Variants in MAP3K21 observed in about 807,000 individuals in gnomAD.
MAP3K21 encodes mitogen-activated protein kinase kinase kinase 21.
Under a neutral mutation model 86.1 loss-of-function variants are expected in MAP3K21, and 63 were observed. The ratio of observed to expected loss-of-function variants is 0.73; its 90% confidence interval spans 0.60 to 0.90. MAP3K21 has a LOEUF of 0.90. MAP3K21 is among the 40% of genes least tolerant of loss of function. The pLI, the probability that MAP3K21 is intolerant of heterozygous loss-of-function variation, is 0.00. For missense variants in MAP3K21, 1,220 were observed against 1,367.7 expected (o/e 0.89, Z 1.70); for synonymous variants, 558 against 564.8 (o/e 0.99, Z 0.17).
chr1:233,379,532 C>T lies in MAP3K21; in HGVS notation c.2526C>T (p.Ala842=). 2 of 1,614,204 alleles carry T rather than the reference C, an allele frequency of 1.2e-6. No homozygotes were observed. Among genetic ancestry groups the T allele is most frequent in the Non-Finnish European group, 1.7e-6 (2 of 1,180,044 alleles). ...TCACTCCGGATTTTTGTCCCACTGC[C>T]CCAGGAAGTGGTCGTGAGCCAGCCC... ...EMLTPDFCPT[A]PGSGREPALM... is the part of the protein sequence containing the mutation. The change falls in exon 9 of 10, where the codon GCC becomes GCT. Residue 842 remains alanine, a synonymous_variant. Transcript: ENST00000366624.
At chr1:233,343,643 G>A (rs1663079019) in intron 1 of MAP3K21, among the ~76,000 whole-genome samples, 1 of 152,204 alleles carries the variant, frequency 6.6e-6, no homozygotes, top group Non-Finnish European at 1.5e-5. Flanking sequence ...GTACATAGTG[G>A]TTAGGACCAT....
Position 233,328,685 on chromosome 1 carries a change from G to A in MAP3K21, c.657G>A (p.Pro219=), listed in dbSNP as rs1357449034. 3.7e-6 allele frequency: 5 copies of A among 1,355,520 alleles called. No homozygotes were observed. The highest frequency in any genetic ancestry group is 3.4e-5 in the Admixed American group (1 of 29,090). 84.0% of individuals were successfully genotyped at this position (1,355,520 alleles called of 1,614,324 possible). Residue 219 remains proline, a synonymous_variant, in exon 1 of 10, where the codon CCG becomes CCA. Coordinates refer to ENST00000366624, the MANE Select transcript of MAP3K21 (RefSeq NM_032435.3). The surrounding 1 kb of genome is among the most constrained non-coding windows in gnomAD (Gnocchi z 8.7). Reference sequence around the variant, plus strand: ...CGCTGGCCGCTGCCAACGCCGCCCCGGACCCGCGCGCGCCCGGCCCCCGCC... The same window carrying A: ...CGCTGGCCGCTGCCAACGCCGCCCCAGACCCGCGCGCGCCCGGCCCCCGCC... ...NRALAAANAA[P]DPRAPGPRRA... is the part of the protein sequence containing the mutation.
In MAP3K21 at chr1:233,382,687, A is replaced by G; in HGVS notation, c.3087A>G (p.Glu1029=). Residue 1029 remains glutamate (E), a synonymous_variant, in exon 10 of 10, where the codon GAA becomes GAG. Transcript: ENST00000366624. Reference sequence around the variant, plus strand: ...AAACCAGCCGGCCATCTATATATGAACTGGAGAAAGAATTCCTGTCTTAAA... The same window carrying G: ...AAACCAGCCGGCCATCTATATATGAGCTGGAGAAAGAATTCCTGTCTTAAA... ...RSKTSRPSIY[E]LEKEFLS is the part of the protein sequence containing the mutation. 1 of 1,612,980 alleles carries G rather than the reference A, an allele frequency of 6.2e-7. No homozygotes were observed. Among genetic ancestry groups the G allele is most frequent in the Non-Finnish European group, 8.5e-7 (1 of 1,179,314 alleles).
chr1:233,357,050 C>A (rs1663372676), intron 4 of MAP3K21, among the ~76,000 whole-genome samples: 2 of 152,230 alleles, frequency 1.3e-5, no homozygotes, highest in South Asian at 4.1e-4. Flanking sequence ...GCAGGTGGAT[C>A]ACCTGAGGTC....
At chr1:233,363,744 C>T (rs534402259) in intron 5 of MAP3K21, among the ~76,000 whole-genome samples, 110 of 147,912 alleles carry the variant, frequency 7.4e-4, no homozygotes, top group Non-Finnish European at 1.3e-3. Flanking sequence ...TGGTGGCTCA[C>T]GCCTGTAATC....
intron 1 of MAP3K21, among the ~76,000 whole-genome samples, chr1:233,344,087 T>C (rs1426241980): frequency 6.6e-6 from 1 of 151,976 alleles, no homozygotes; most frequent in Non-Finnish European, 1.5e-5. Context: ...GGTAGGAGGG[T>C]GCAGGTGAGG....
rs377739533 is a variant in MAP3K21 at position 233,355,052 on chromosome 1, T to C, written c.1311+41T>C. 4.2e-6 allele frequency: 6 copies of C among 1,440,960 alleles called. No individual in the cohort carries two copies. In the African/African-American group the frequency reaches 8.6e-5, roughly 21 times the overall value. 89.3% of individuals were successfully genotyped at this position (1,440,960 alleles called of 1,614,324 possible). ...AAACAGCATAATGTACTCAAATTTATGAAAACTATGGAAAATATGAGGCAA... is the reference window on the plus strand; with the variant it reads ...AAACAGCATAATGTACTCAAATTTACGAAAACTATGGAAAATATGAGGCAA... On this transcript the variant is annotated intron_variant, in intron 4 of 9. Coordinates refer to ENST00000366624, the MANE Select transcript of MAP3K21 (RefSeq NM_032435.3).
rs1240466837 is a variant in MAP3K21, at chr1:233,379,319, C to T, written c.2313C>T (p.Arg771=). 1.2e-6 allele frequency: 2 copies of T among 1,614,198 alleles called. No homozygotes were observed. Among genetic ancestry groups the T allele is most frequent in the South Asian group, 2.2e-5 (2 of 91,088 alleles). Residue 771 remains arginine (R), a synonymous_variant, in exon 9 of 10, where the codon CGC becomes CGT. Coordinates refer to ENST00000366624, the MANE Select transcript of MAP3K21 (RefSeq NM_032435.3). ...TCTTCCAGCGGGCTTCCAAGTCCCG[C>T]AGAAGCGCCAGTCCTCCCACAAGCC... ...EGIFQRASKS[R]RSASPPTSLP... is the part of the protein sequence containing the mutation.
intron 5 of MAP3K21, among the ~76,000 whole-genome samples, chr1:233,368,251 T>C (rs150872889): frequency 6.8e-4 from 104 of 152,306 alleles, no homozygotes; most frequent in African/African-American, 2.3e-3. Context: ...GTTTCCTTTC[T>C]ATGGTTAAGA....
At chr1:233,368,184 C>T (rs901324409) in intron 5 of MAP3K21, among the ~76,000 whole-genome samples, 3 of 152,168 alleles carry the variant, frequency 2.0e-5, no homozygotes, top group African/African-American at 7.2e-5. Context: ...TTGTTTCTGT[C>T]GTGTTGTAAC....
chr1:233,335,370 T>C (rs1477321518), intron 1 of MAP3K21, among the ~76,000 whole-genome samples: 1 of 152,188 alleles, frequency 6.6e-6, no homozygotes, highest in Admixed American at 6.5e-5. Context: ...GTATTAATAA[T>C]TGCAAAACCA....
At position 233,379,056 on chromosome 1, in the gene MAP3K21, G is replaced by A; in HGVS notation, c.2050G>A (p.Ala684Thr). Residue 684 changes from alanine (A) to threonine (T), a missense_variant, in exon 9 of 10, where the codon GCA becomes ACA. By Grantham distance (58) the Ala-to-Thr change is moderately conservative. This residue lies in a region of MAP3K21 where 632 missense variants were observed against 691.3 expected (regional missense o/e 0.91). Coordinates refer to ENST00000366624, the MANE Select transcript of MAP3K21 (RefSeq NM_032435.3). ...LGKDAQRENPAEAESWEEAAS... is the reference protein window; with the variant it reads ...LGKDAQRENPTEAESWEEAAS... ...GAAAGATGCTCAGAGAGAGAATCCT[G>A]CAGAAGCTGAAAGCTGGGAGGAGGC... 6.2e-7 allele frequency: 1 copy of A among 1,614,212 alleles called. No individual in the cohort carries two copies. Among genetic ancestry groups the A allele is most frequent in the Non-Finnish European group, 8.5e-7 (1 of 1,180,042 alleles).
intron 8 of MAP3K21, among the ~76,000 whole-genome samples, chr1:233,377,349 T>C (rs1198179337): frequency 2.0e-5 from 3 of 152,194 alleles, no homozygotes; most frequent in Non-Finnish European, 4.4e-5. Context: ...TTGATCAAAT[T>C]AAAGATGCCT....
At chr1:233,381,729 C>T (rs2102770167) in intron 9 of MAP3K21, among the ~76,000 whole-genome samples, 1 of 152,224 alleles carries the variant, frequency 6.6e-6, no homozygotes, top group East Asian at 1.9e-4. Flanking sequence ...AACTTATAAG[C>T]CAATAATTAT....
chr1:233,367,579 G>A (rs1343580674), intron 5 of MAP3K21, among the ~76,000 whole-genome samples: 1 of 152,208 alleles, frequency 6.6e-6, no homozygotes, highest in Non-Finnish European at 1.5e-5. Context: ...AAGAATGTTG[G>A]CTGGGCGTGG....
intron 9 of MAP3K21, among the ~76,000 whole-genome samples, chr1:233,381,279 A>G (rs1378484322): frequency 2.0e-5 from 3 of 152,236 alleles, no homozygotes; most frequent in Admixed American, 2.0e-4. Context: ...AAATGGGGAC[A>G]GTAACAATAT....
chr1:233,353,967 G>C lies in MAP3K21; in HGVS notation c.1135+12G>C. ...CAAGCTCATGAAAGGTATTGTGTGTGTGTGTGTGTGTCTTTGTGGGGGCAA... is the reference window on the plus strand; with the variant it reads ...CAAGCTCATGAAAGGTATTGTGTGTCTGTGTGTGTGTCTTTGTGGGGGCAA... On this transcript the variant is annotated intron_variant, in intron 3 of 9. Transcript: ENST00000366624. The C allele has an allele frequency of 6.6e-7, 1 of 1,510,264 alleles. No homozygotes were observed. The highest frequency in any genetic ancestry group is 8.9e-7 in the Non-Finnish European group (1 of 1,126,810). The allele number at this position is 1,510,264 out of a possible 1,614,324, so 93.6% of individuals were successfully genotyped here.
At chr1:233,370,259 A>T (rs193122040) in intron 5 of MAP3K21, among the ~76,000 whole-genome samples, 2 of 152,328 alleles carry the variant, frequency 1.3e-5, no homozygotes, top group East Asian at 3.9e-4. Context: ...GTCCTGTGAA[A>T]TAGGAATAAT....
chr1:233,375,786 T>C, intron 6 of MAP3K21, 130 bp from the exon 7 acceptor site: 1 of 656,986 alleles, frequency 1.5e-6, no homozygotes, highest in African/African-American at 1.9e-5. Flanking sequence ...AAATAAATAA[T>C]TTTCTCATTG....
Sources: gnomAD v4.1 joint callset for allele counts (sites outside exome capture counted in the v4.1 genomes callset) on GRCh38, gnomAD v4.1.1 for gene constraint, gnomAD v4.1.1 regional missense constraint, Gnocchi (gnomAD v3.1) non-coding constraint, MANE v1.5 for transcripts, NCBI Gene and HGNC (gene_info 2026-07-23, HGNC 2026-07-21) for gene names.